ZNF761: variants seen among roughly 807,000 people sequenced by gnomAD.
ZNF761 encodes the protein zinc finger protein 761.
A neutral mutation model predicts 59.9 loss-of-function variants in ZNF761; 43 were observed. That is an observed-to-expected ratio of 0.72 (90% CI 0.56 to 0.92). The LOEUF (loss-of-function observed/expected upper bound fraction) is 0.92. ZNF761 is among the 40% of genes least tolerant of loss of function. ZNF761 has a pLI of 0.00. For missense variants in ZNF761, 850 were observed against 906.1 expected (o/e 0.94, Z 0.79); for synonymous variants, 294 against 304.8 (o/e 0.96, Z 0.37).
chr19:53,454,788 T>C lies in ZNF761; in HGVS notation c.281T>C (p.Ile94Thr). 2 of 1,614,158 alleles carry C rather than the reference T, an allele frequency of 1.2e-6. No individual in the cohort carries two copies. Among genetic ancestry groups the C allele is most frequent in the Non-Finnish European group, 1.7e-6 (2 of 1,180,036 alleles). The change falls in exon 5 of 5, where the codon ATT becomes ACT. Residue 94 changes from isoleucine to threonine, a missense_variant. Coordinates refer to ENST00000684525, the MANE Select transcript of ZNF761 (RefSeq NM_001289951.2). ...TGCTACCAGGATGTTGATAAAGATATTCATGACTATGAATTTCAATGGCAA... is the reference window on the plus strand; with the variant it reads ...TGCTACCAGGATGTTGATAAAGATACTCATGACTATGAATTTCAATGGCAA... ...DFCYQDVDKD[I>T]HDYEFQWQED... is the part of the protein sequence containing the mutation.
At chr19:53,449,329 CA>C (rs34986532) in intron 3 of ZNF761, among the ~76,000 whole-genome samples, 182 bp from the exon 4 acceptor site, 5,436 of 142,864 alleles carry the variant, frequency 0.038, 193 homozygotes, top group East Asian at 0.14. Context: ...GACTCCACCT[CA>C]AAAAAAAAAA....
At chr19:53,440,040 G>A (rs1427186440) in intron 1 of ZNF761, among the ~76,000 whole-genome samples, 1 of 152,040 alleles carries the variant, frequency 6.6e-6, no homozygotes, top group African/African-American at 2.4e-5. Flanking sequence ...AAAGAGGCTG[G>A]GTGCTGTGGC....
At chr19:53,449,390 A>G in intron 3 of ZNF761, 122 bp from the exon 4 acceptor site, 1 of 1,606,926 alleles carries the variant, frequency 6.2e-7, no homozygotes, top group East Asian at 2.2e-5. Context: ...AAAATCCCTT[A>G]CTCAGATTTG....
chr19:53,454,716 A>G lies in ZNF761; in HGVS notation c.209A>G (p.His70Arg). Reference sequence around the variant, plus strand: ...GCGCAAGGCAACAGAGAAGTGTTCCATGCAGGGACATTGCAAATACATGAA... The same window carrying G: ...GCGCAAGGCAACAGAGAAGTGTTCCGTGCAGGGACATTGCAAATACATGAA... ...STAQGNREVF[H>R]AGTLQIHESH... is the part of the protein sequence containing the mutation. The change falls in exon 5 of 5, where the codon CAT becomes CGT. Residue 70 changes from histidine (H) to arginine (R), a missense_variant. Physicochemically the swap from His to Arg is conservative, Grantham distance 29. Coordinates refer to ENST00000684525, the MANE Select transcript of ZNF761 (RefSeq NM_001289951.2). 1.2e-6 allele frequency: 2 copies of G among 1,614,138 alleles called. No homozygotes were observed. Among genetic ancestry groups the G allele is most frequent in the Non-Finnish European group, 1.7e-6 (2 of 1,179,986 alleles).
intron 1 of ZNF761, among the ~76,000 whole-genome samples, chr19:53,439,880 T>C (rs2086080685): frequency 6.6e-6 from 1 of 151,762 alleles, no homozygotes; most frequent in African/African-American, 2.4e-5. Context: ...CGAACAGGAG[T>C]TGCTTCTGGT....
Position 53,455,535 on chromosome 19 carries a change from G to T in ZNF761, c.1028G>T (p.Arg343Leu). 2 of 1,613,020 alleles carry T rather than the reference G, an allele frequency of 1.2e-6. No individual in the cohort carries two copies. The highest frequency in any genetic ancestry group is 1.1e-5 in the South Asian group (1 of 90,920). ...KTFRQKSILT[R>L]HHRLHTGEKP... ...TTTAGGCAGAAGTCAATCCTTACAC[G>T]CCATCATCGACTTCATACTGGAGAG... The change falls in exon 5 of 5, where the codon CGC (arginine) becomes CTC (leucine). Residue 343 changes from arginine to leucine, a missense_variant. By Grantham distance (102) the Arg-to-Leu change is moderately radical. Transcript: ENST00000684525.
Position 53,457,131 on chromosome 19 carries a change from G to T in ZNF761, c.*383G>T. On this transcript the variant is annotated 3_prime_UTR_variant, in exon 5 of 5. Coordinates refer to ENST00000684525, the MANE Select transcript of ZNF761 (RefSeq NM_001289951.2). ...GCAGTCAACACTTGTTTACCGTCAGGCAATCCATGGTGTAGGGAAACTTTA... is the reference window on the plus strand; with the variant it reads ...GCAGTCAACACTTGTTTACCGTCAGTCAATCCATGGTGTAGGGAAACTTTA... The T allele has an allele frequency of 1.9e-6, 1 of 525,898 alleles. No homozygotes were observed. The highest frequency in any genetic ancestry group is 3.7e-6 in the Non-Finnish European group (1 of 273,754). 32.6% of individuals were successfully genotyped at this position (525,898 alleles called of 1,614,324 possible).
intron 3 of ZNF761, 135 bp from the exon 4 acceptor site, chr19:53,449,377 T>TG: frequency 6.2e-7 from 1 of 1,602,336 alleles, no homozygotes; most frequent in Non-Finnish European, 8.5e-7. Context: ...CAAAATGCGG[T>TG]GAAAAATCCC....
At chr19:53,447,313 G>T in intron 3 of ZNF761, 30 bp downstream of exon 3, 1 of 1,611,604 alleles carries the variant, frequency 6.2e-7, no homozygotes, top group Non-Finnish European at 8.5e-7. Flanking sequence ...GGATTGTTCT[G>T]TCTCCTTCCT....
chr19:53,457,515 C>A lies in ZNF761; in HGVS notation c.*767C>A. ...AATGTCATCAATGTGCCAAGGTCTT[C>A]AGTCTGAGTTCACTCCTTGCAGAAT... is the stretch of plus-strand genomic sequence containing the variant. On this transcript the variant is annotated 3_prime_UTR_variant, in exon 5 of 5. Coordinates refer to ENST00000684525, the MANE Select transcript of ZNF761 (RefSeq NM_001289951.2). 1 of 378,256 alleles carries A rather than the reference C, an allele frequency of 2.6e-6. No individual in the cohort carries two copies. 23.4% of individuals were successfully genotyped at this position (378,256 alleles called of 1,614,324 possible). A position where few individuals can be genotyped will look rare whatever the true frequency, so the allele number is the denominator to read the frequency against.
intron 4 of ZNF761, chr19:53,449,909 C>A: frequency 1.5e-6 from 1 of 680,054 alleles, no homozygotes; most frequent in South Asian, 2.3e-5. Flanking sequence ...TGAAATTCAT[C>A]TTGATCTCCT....
In ZNF761 at chr19:53,455,042, A is replaced by G; in HGVS notation, c.535A>G (p.Arg179Gly). Residue 179 changes from arginine to glycine, a missense_variant, in exon 5 of 5, where the codon AGA (arginine) becomes GGA (glycine). Coordinates refer to ENST00000684525, the MANE Select transcript of ZNF761 (RefSeq NM_001289951.2). Reference protein sequence around the residue: ...HDASLVSTAQRISCRPKTHIS... With the variant: ...HDASLVSTAQGISCRPKTHIS... ...TGCTTCCTTGGTTTCAACAGCCCAA[A>G]GAATTTCTTGTAGGCCCAAAACCCA... 1 of 1,614,196 alleles carries G rather than the reference A, an allele frequency of 6.2e-7. No homozygotes were observed. Among genetic ancestry groups the G allele is most frequent in the Non-Finnish European group, 8.5e-7 (1 of 1,180,034 alleles).
In ZNF761 at chr19:53,455,457, G is replaced by C. The variant is rs1461806938; in HGVS notation, c.950G>C (p.Arg317Thr). 1 of 1,613,464 alleles carries C rather than the reference G, an allele frequency of 6.2e-7. No individual in the cohort carries two copies. Among genetic ancestry groups the C allele is most frequent in the African/African-American group, 1.3e-5 (1 of 74,684 alleles). The part of the protein sequence containing the change: ...FHFKSILERH[R>T]IIHTEEKPYK... ...TTCAAATCAATACTTGAAAGACATAGGATAATTCATACTGAAGAGAAACCA... is the reference window on the plus strand; with the variant it reads ...TTCAAATCAATACTTGAAAGACATACGATAATTCATACTGAAGAGAAACCA... Residue 317 changes from arginine to threonine, a missense_variant, in exon 5 of 5, where the codon AGG becomes ACG. Physicochemically the swap from Arg to Thr is moderately conservative, Grantham distance 71. Coordinates refer to ENST00000684525, the MANE Select transcript of ZNF761 (RefSeq NM_001289951.2).
rs762929700 is a variant in ZNF761, at chr19:53,455,081, C to T, written c.574C>T (p.His192Tyr). 5 of 1,614,134 alleles carry T rather than the reference C, an allele frequency of 3.1e-6. No individual in the cohort carries two copies. The South Asian group carries it at 5.5e-5, about 18-fold the overall frequency. ...GCCCAAAACCCATATATCTAATAAC[C>T]ATGGGAATAATTTCTGGAATTCTTC... ...CRPKTHISNN[H>Y]GNNFWNSSLL... is the part of the protein sequence containing the mutation. Residue 192 changes from histidine to tyrosine, a missense_variant, in exon 5 of 5, where the codon CAT becomes TAT. Coordinates refer to ENST00000684525, the MANE Select transcript of ZNF761 (RefSeq NM_001289951.2).
chr19:53,444,711 T>A (rs2086136859), intron 1 of ZNF761: 1 of 152,240 alleles, frequency 6.6e-6, no homozygotes. Context: ...CAGTCTCTTA[T>A]CCCAGCTGAT....
Position 53,455,325 on chromosome 19 carries a change from A to G in ZNF761, c.818A>G (p.Asn273Ser). 4 of 1,614,230 alleles carry G rather than the reference A, an allele frequency of 2.5e-6. No individual in the cohort carries two copies. Among genetic ancestry groups the G allele is most frequent in the Non-Finnish European group, 3.4e-6 (4 of 1,180,032 alleles). Residue 273 changes from asparagine to serine, a missense_variant, in exon 5 of 5, where the codon AAT (asparagine) becomes AGT (serine). Transcript: ENST00000684525. ...CHTGENPYKC[N>S]ECGKTFSQTS... ...ACTGGTGAGAATCCTTACAAGTGTA[A>G]TGAGTGTGGCAAGACCTTCAGTCAG...
chr19:53,451,536 G>A (rs186770497), intron 4 of ZNF761, among the ~76,000 whole-genome samples: 1 of 152,028 alleles, frequency 6.6e-6, no homozygotes, highest in African/African-American at 2.4e-5. Flanking sequence ...CTTTACTGGA[G>A]AACTTTATAT....
intron 4 of ZNF761, among the ~76,000 whole-genome samples, chr19:53,453,412 G>A (rs1391402001): frequency 1.3e-5 from 2 of 152,078 alleles, no homozygotes; most frequent in Non-Finnish European, 2.9e-5. Context: ...GTAGAAGTTT[G>A]GCGTTTTTCT....
chr19:53,432,406 G>T (rs1600075938), intron 1 of ZNF761, among the ~76,000 whole-genome samples: 1 of 152,124 alleles, frequency 6.6e-6, no homozygotes, highest in African/African-American at 2.4e-5. Context: ...CGCGTCCTCT[G>T]CCTGGTCCTA....
Sources: allele counts gnomAD v4.1 joint callset (sites outside exome capture counted in the v4.1 genomes callset), GRCh38; gene constraint gnomAD v4.1.1; transcripts MANE v1.5; gene names NCBI Gene and HGNC (gene_info 2026-07-23, HGNC 2026-07-21).